PCID2: variants seen among roughly 807,000 people sequenced by gnomAD.
PCID2 encodes the protein PCI domain containing 2.
A neutral mutation model predicts 61.3 loss-of-function variants in PCID2; 41 were observed. The observed-to-expected ratio is 0.67, with a 90% confidence interval of 0.52 to 0.87. The LOEUF is 0.87. Ranked by LOEUF, PCID2 falls within the 40% of genes least tolerant of loss-of-function variation. The probability of loss-of-function intolerance (pLI) is 0.00; values close to 1 mark genes in which losing one functional copy is unlikely to be tolerated. For synonymous variants in PCID2, 187 were observed against 177.8 expected, an observed-to-expected ratio of 1.05 and a Z score of -0.41; for missense variants, 392 against 493.4, an observed-to-expected ratio of 0.79 and a Z score of 1.95.
chr13:113,190,810 G>T, intron 7 of PCID2, 62 bp downstream of exon 7: 1 of 908,946 alleles, frequency 1.1e-6, no homozygotes. Context: ...CAGAAAGGGT[G>T]AACGCTGCAA....
At position 113,208,112 on chromosome 13, in the gene PCID2, C is replaced by T. The variant is rs575646039; in HGVS notation, c.36+487G>A. Reference sequence around the variant, plus strand: ...GAGAGTGAAGGGCGTTAAACGACAGCGAGGACGAGGGGCACGAGCCCGGCC... The same window carrying T: ...GAGAGTGAAGGGCGTTAAACGACAGTGAGGACGAGGGGCACGAGCCCGGCC... On this transcript the variant is annotated intron_variant, in intron 1 of 13. Coordinates refer to ENST00000337344, the MANE Select transcript of PCID2 (RefSeq NM_001127202.4). 5.8e-5 allele frequency: 93 copies of T among 1,611,062 alleles called. No homozygotes were observed. The African/African-American group carries it at 1.0e-3, about 17-fold the overall frequency.
intron 7 of PCID2, among the ~76,000 whole-genome samples, chr13:113,188,794 T>C (rs1321619004): frequency 6.6e-6 from 1 of 152,192 alleles, no homozygotes; most frequent in Non-Finnish European, 1.5e-5. Flanking sequence ...CCTTGGCCTT[T>C]ACATACAGCT....
the PCID2 span, chr13:113,172,391 G>C: frequency 2.3e-6 from 1 of 430,418 alleles, no homozygotes; most frequent in Non-Finnish European, 4.3e-6. Context: ...AAAGCAGCCT[G>C]GTTTCCAGAA....
chr13:113,178,413 G>A (rs957725711), intron 13 of PCID2, 126 bp from the exon 14 acceptor site: 1 of 627,734 alleles, frequency 1.6e-6, no homozygotes, highest in African/African-American at 1.8e-5. Context: ...AGTTCAGCGG[G>A]AAGACAATGA....
rs1189544088 is a variant in PCID2 at position 113,208,669 on chromosome 13, C to T, written c.-35G>A. On this transcript the variant is annotated 5_prime_UTR_variant, in exon 1 of 14. Transcript: ENST00000337344. Reference sequence around the variant, plus strand: ...GCCGAACGGAGAGCGCCACCCCCTACGCCTCAAGCGGGCCAGCTGGCGTCA... The same window carrying T: ...GCCGAACGGAGAGCGCCACCCCCTATGCCTCAAGCGGGCCAGCTGGCGTCA... 1.5e-5 allele frequency: 24 copies of T among 1,592,558 alleles called. No individual in the cohort carries two copies. The highest frequency in any genetic ancestry group is 2.0e-5 in the Non-Finnish European group (23 of 1,170,588).
chr13:113,174,738 C>T (rs1208692562), downstream of PCID2, among the ~76,000 whole-genome samples: 1 of 152,226 alleles, frequency 6.6e-6, no homozygotes, highest in Non-Finnish European at 1.5e-5. Flanking sequence ...CTGGCCTCAG[C>T]CTCCCAAAGT....
chr13:113,190,052 A>C (rs1676244674), intron 7 of PCID2, among the ~76,000 whole-genome samples: 1 of 152,198 alleles, frequency 6.6e-6, no homozygotes, highest in Middle Eastern at 3.4e-3. Context: ...AAAATAAACA[A>C]AGACTAACAG....
At chr13:113,207,970 T>C (rs1258013241) in intron 1 of PCID2, 5 of 1,466,642 alleles carry the variant, frequency 3.4e-6, no homozygotes, top group Non-Finnish European at 4.8e-6. Context: ...GTGGAAAGAA[T>C]ATGCGTTGAA....
chr13:113,185,898 T>C (rs1381129185), intron 7 of PCID2: 2 of 198,488 alleles, frequency 1.0e-5, no homozygotes, highest in African/African-American at 4.7e-5. Context: ...TTTTGAAAAA[T>C]GGAAAAATAG....
Position 113,179,105 on chromosome 13 carries a change from A to T in PCID2, c.987-16T>A. 2.5e-6 allele frequency: 4 copies of T among 1,611,326 alleles called. No individual in the cohort carries two copies. In the East Asian group the frequency reaches 6.7e-5, roughly 27 times the overall value. ...TAACAAATACCTGGAAGAGGGGAGG[A>T]GAAGGGCACTGTGGTTACCGACAGG... On this transcript the variant is annotated splice_polypyrimidine_tract_variant and intron_variant, in intron 12 of 13. Coordinates refer to ENST00000337344, the MANE Select transcript of PCID2 (RefSeq NM_001127202.4). The surrounding 1 kb of genome is among the most constrained non-coding windows in gnomAD (Gnocchi z 4.3).
rs1595171045 is a variant in PCID2 at position 113,184,373 on chromosome 13, C to G, written c.658G>C (p.Ala220Pro). ...TGCTTAAAATCGCTGTCAAACATAG[C>G]CTTGCGTCCAACGTAGTATTTGTAT... is the stretch of plus-strand genomic sequence containing the variant. ...VTYKYYVGRK[A>P]MFDSDFKQAE... The change falls in exon 9 of 14, where the codon GCT becomes CCT. Residue 220 changes from alanine (A) to proline (P), a missense_variant. Physicochemically the swap from Ala to Pro is conservative, Grantham distance 27 (BLOSUM62 -1). Transcript: ENST00000337344. 1 of 1,613,448 alleles carries G rather than the reference C, an allele frequency of 6.2e-7. No homozygotes were observed. Among genetic ancestry groups the G allele is most frequent in the East Asian group, 2.2e-5 (1 of 44,860 alleles).
chr13:113,167,196 G>A, the PCID2 span, among the ~76,000 whole-genome samples: 1 of 152,218 alleles, frequency 6.6e-6, no homozygotes, highest in Admixed American at 6.5e-5. Context: ...CTGGCAGACT[G>A]ATGGCGCAAG....
chr13:113,194,943 C>A, intron 6 of PCID2, 128 bp downstream of exon 6: 1 of 706,806 alleles, frequency 1.4e-6, no homozygotes, highest in Non-Finnish European at 2.6e-6. Context: ...TTCTTTTGCT[C>A]CCTATACCAG....
At chr13:113,173,477 T>TAA (rs752541424), downstream of PCID2, among the ~76,000 whole-genome samples, 1 of 152,206 alleles carries the variant, frequency 6.6e-6, no homozygotes, top group African/African-American at 2.4e-5. Flanking sequence ...AGAGGACTTT[T>TAA]AAAAAGAGGA....
chr13:113,181,685 T>C (rs1235268104), intron 9 of PCID2, among the ~76,000 whole-genome samples: 1 of 152,238 alleles, frequency 6.6e-6, no homozygotes, highest in South Asian at 2.1e-4. Context: ...AACATATAAT[T>C]AGTGATCATA....
chr13:113,176,619 T>C (rs2037195834), downstream of PCID2, among the ~76,000 whole-genome samples: 11 of 21,234 alleles, frequency 5.2e-4, no homozygotes, highest in South Asian at 2.6e-3. Context: ...AAAAATTAGT[T>C]GGGTGTGGTG....
chr13:113,174,010 C>T (rs559716131), downstream of PCID2, among the ~76,000 whole-genome samples: 98 of 151,590 alleles, frequency 6.5e-4, no homozygotes, highest in African/African-American at 2.2e-3. Flanking sequence ...GGGCGGATCA[C>T]GAGGTCAGGA....
At chr13:113,192,088 T>C (rs2038666698) in intron 6 of PCID2, among the ~76,000 whole-genome samples, 1 of 152,072 alleles carries the variant, frequency 6.6e-6, no homozygotes. Context: ...CAAGACTCTG[T>C]CTTAATTAAA....
intron 2 of PCID2, among the ~76,000 whole-genome samples, chr13:113,198,602 G>C (rs544689190): frequency 6.6e-6 from 1 of 152,180 alleles, no homozygotes; most frequent in African/African-American, 2.4e-5. Flanking sequence ...CTACTCAGGA[G>C]GCTGAGGCAT....
Sources: allele counts gnomAD v4.1 joint callset (sites outside exome capture counted in the v4.1 genomes callset), GRCh38; gene constraint gnomAD v4.1.1; non-coding constraint Gnocchi (gnomAD v3.1); transcripts MANE v1.5; gene names NCBI Gene and HGNC (gene_info 2026-07-23, HGNC 2026-07-21).